Variants in MYO3A observed in about 807,000 individuals in gnomAD.
MYO3A encodes the protein myosin IIIA.
Under a neutral mutation model 192.7 loss-of-function variants are expected in MYO3A, and 180 were observed. The ratio of observed to expected loss-of-function variants is 0.93; its 90% CI spans 0.83 to 1.06. MYO3A has a LOEUF of 1.06. Ranked by LOEUF, MYO3A falls within the 50% of genes least tolerant of loss-of-function variation. MYO3A has a pLI of 0.00. For synonymous variants in MYO3A, 628 were observed against 645.3 expected (o/e 0.97, Z 0.41); for missense variants, 1,896 against 1,905.0 (o/e 1.00, Z 0.09).
At chr10:26,145,936 CCTT>C (rs1186958317) in intron 22 of MYO3A, among the ~76,000 whole-genome samples, 1 of 152,184 alleles carries the variant, frequency 6.6e-6, no homozygotes, top group African/African-American at 2.4e-5. Flanking sequence ...CTATTTGTTT[CCTT>C]CTTGTAGCAA....
chr10:26,186,266 C>CTTT lies in MYO3A; in HGVS notation c.4439-6922_4439-6920dup, dbSNP rs35154545. Among the ~76,000 whole-genome samples, 67 of 129,680 alleles carry CTTT rather than the reference C, an allele frequency of 5.2e-4. 1 individual carries two copies. The highest frequency in any genetic ancestry group is 8.1e-4 in the Non-Finnish European group (50 of 61,692). 85.1% of individuals were successfully genotyped at this position (129,680 alleles called of 152,430 possible). On this transcript the variant is annotated intron_variant, in intron 31 of 34. Transcript: ENST00000642920. The stretch of plus-strand genomic sequence containing the variant: ...CATCCTGTCCATCAGTGATATCCTT[C>CTTT]TTTTTTTTTTTTTTTTTTTAGATGG...
At chr10:26,078,078 A>G (rs556953053) in intron 14 of MYO3A, among the ~76,000 whole-genome samples, 1 of 148,086 alleles carries the variant, frequency 6.8e-6, no homozygotes, top group South Asian at 2.1e-4. Context: ...GTTAGTAACA[A>G]TTCTTCTTTA....
rs1191034082 is a variant in MYO3A at position 25,984,874 on chromosome 10, A to G, written c.304-11616A>G. On this transcript the variant is annotated intron_variant, in intron 4 of 34. Transcript: ENST00000642920. ...CTGAACAATAATAGTGACACAACCT[A>G]TCAAAAACTCTGGGATACAGCAAAA... 2.0e-5 allele frequency among the ~76,000 whole-genome samples: 3 copies of G among 152,346 alleles called. No homozygotes were observed. In the East Asian group the frequency reaches 5.8e-4, roughly 29 times the overall value.
At chr10:26,133,603 T>C (rs1839674934) in intron 20 of MYO3A, among the ~76,000 whole-genome samples, 1 of 152,224 alleles carries the variant, frequency 6.6e-6, no homozygotes, top group Non-Finnish European at 1.5e-5. Flanking sequence ...AAGGTTTTTT[T>C]TCTTTTCTGA....
At chr10:25,950,645 A>AGGTTT (rs1837152193) in intron 2 of MYO3A, among the ~76,000 whole-genome samples, 1 of 152,206 alleles carries the variant, frequency 6.6e-6, no homozygotes, top group South Asian at 2.1e-4. Context: ...AGGGAGGAAC[A>AGGTTT]AGAGTGTTTA....
chr10:25,975,716 A>G (rs1319379317), intron 4 of MYO3A, among the ~76,000 whole-genome samples: 1 of 152,260 alleles, frequency 6.6e-6, no homozygotes, highest in Admixed American at 6.5e-5. Flanking sequence ...ATATTAATAC[A>G]TCATGACTGA....
intron 14 of MYO3A, among the ~76,000 whole-genome samples, chr10:26,072,376 A>C (rs1250590023): frequency 6.6e-6 from 1 of 152,190 alleles, no homozygotes; most frequent in African/African-American, 2.4e-5. Context: ...GAGTATTGCC[A>C]AAGAACTAGG....
At chr10:26,161,774 AT>A (rs965866915) in intron 26 of MYO3A, among the ~76,000 whole-genome samples, 4 of 151,776 alleles carry the variant, frequency 2.6e-5, no homozygotes, top group African/African-American at 4.8e-5. Context: ...TATTTTTATT[AT>A]TTTTTTTGCC....
intron 14 of MYO3A, among the ~76,000 whole-genome samples, chr10:26,083,263 G>A (rs555895510): frequency 2.8e-4 from 42 of 152,308 alleles, no homozygotes; most frequent in African/African-American, 9.6e-4. Flanking sequence ...TATACAACAT[G>A]GATACATTGG....
At chr10:26,125,880 A>C (rs1382189769) in intron 19 of MYO3A, among the ~76,000 whole-genome samples, 1 of 152,208 alleles carries the variant, frequency 6.6e-6, no homozygotes, top group Non-Finnish European at 1.5e-5. Flanking sequence ...GTGATATCTT[A>C]CTATGAACTA....
chr10:26,173,378 G>A (rs772193280), intron 29 of MYO3A, among the ~76,000 whole-genome samples: 1 of 152,280 alleles, frequency 6.6e-6, no homozygotes, highest in Non-Finnish European at 1.5e-5. Context: ...TAAGTTCCTA[G>A]AATTTTGATA....
chr10:26,167,207 T>C (rs1841802912), intron 27 of MYO3A, among the ~76,000 whole-genome samples: 1 of 152,058 alleles, frequency 6.6e-6, no homozygotes, highest in Non-Finnish European at 1.5e-5. Context: ...GCAAAGAAAT[T>C]TATAATATTT....
chr10:26,111,479 T>C (rs988345007), intron 17 of MYO3A, among the ~76,000 whole-genome samples: 1 of 152,158 alleles, frequency 6.6e-6, no homozygotes, highest in East Asian at 1.9e-4. Context: ...GCATGACCAC[T>C]TCCAGGTGCA....
At chr10:26,112,380 G>A (rs769603692) in intron 17 of MYO3A, among the ~76,000 whole-genome samples, 10 of 152,240 alleles carry the variant, frequency 6.6e-5, no homozygotes, top group South Asian at 2.1e-4. Flanking sequence ...GAAATAAACC[G>A]CATGAGCATT....
At chr10:26,057,135 G>A (rs1290634127) in intron 10 of MYO3A, among the ~76,000 whole-genome samples, 3 of 152,208 alleles carry the variant, frequency 2.0e-5, no homozygotes, top group African/African-American at 7.2e-5. Flanking sequence ...TGATGCCAGA[G>A]TTTAGTGAGT....
At chr10:26,026,556 C>CA (rs1370314255) in intron 10 of MYO3A, 24 bp downstream of exon 10, 5 of 1,611,804 alleles carry the variant, frequency 3.1e-6, no homozygotes, top group Non-Finnish European at 4.2e-6. Flanking sequence ...ATCTTGATTC[C>CA]AAAATCCAGA....
chr10:25,994,159 T>C (rs1387258428), intron 4 of MYO3A, among the ~76,000 whole-genome samples: 1 of 152,190 alleles, frequency 6.6e-6, no homozygotes, highest in African/African-American at 2.4e-5. Flanking sequence ...AGTCTCTTTG[T>C]AGGTCTCTAA....
At chr10:26,050,609 G>A (rs535330128) in intron 10 of MYO3A, among the ~76,000 whole-genome samples, 1 of 152,168 alleles carries the variant, frequency 6.6e-6, no homozygotes, top group Non-Finnish European at 1.5e-5. Context: ...TGCAGATGGA[G>A]AATAACCATC....
At chr10:25,971,785 C>T (rs545495741) in intron 4 of MYO3A, among the ~76,000 whole-genome samples, 1 of 152,206 alleles carries the variant, frequency 6.6e-6, no homozygotes, top group East Asian at 1.9e-4. Context: ...TTATTATAGG[C>T]TTTCAACCTT....
Sources: gnomAD v4.1 joint callset for allele counts (sites outside exome capture counted in the v4.1 genomes callset) on GRCh38, gnomAD v4.1.1 for gene constraint, MANE v1.5 for transcripts, NCBI Gene and HGNC (gene_info 2026-07-23, HGNC 2026-07-21) for gene names.